GSE1: variants seen among roughly 807,000 people sequenced by gnomAD.
GSE1 encodes Gse1 coiled-coil protein, also known as genetic suppressor element 1.
GSE1 carries 32 observed loss-of-function variants against 112.6 expected under a neutral mutation model. The ratio of observed to expected loss-of-function variants is 0.28; its 90% CI spans 0.21 to 0.38. The LOEUF is 0.38. GSE1 is among the 10% of genes least tolerant of loss of function. The pLI is 1.00. For synonymous variants in GSE1, 1,115 were observed against 735.6 expected, an observed-to-expected ratio of 1.52 and a Z score of -8.35; for missense variants, 2,348 against 1,699.2, an observed-to-expected ratio of 1.38 and a Z score of -6.71.
At chr16:85,250,513 A>G (rs1038459898) in intron 1 of GSE1, among the ~76,000 whole-genome samples, 1 of 152,208 alleles carries the variant, frequency 6.6e-6, no homozygotes, top group African/African-American at 2.4e-5. Flanking sequence ...GCCCCTTGCC[A>G]TGGAGACCCC....
intron 1 of GSE1, among the ~76,000 whole-genome samples, chr16:85,625,919 C>A (rs1317657512): frequency 6.6e-6 from 1 of 152,158 alleles, no homozygotes; most frequent in South Asian, 2.1e-4. Flanking sequence ...GTTGCTCTTT[C>A]CTCCTGGGGT....
Position 85,237,343 on chromosome 16 carries a change from TAA to T in GSE1, c.2283+65538_2283+65539del, listed in dbSNP as rs1351461576. On this transcript the variant is annotated intron_variant, in intron 1 of 2. Coordinates refer to the GSE1 transcript ENST00000637419. ...GTCTCAGAATAAATGAATGAATAAA[TAA>T]ATAAAACAATAGAAATGGCATTAGA... 8.6e-5 allele frequency among the ~76,000 whole-genome samples: 13 copies of T among 151,062 alleles called. 1 individual carries two copies. In the East Asian group the frequency reaches 2.6e-3, roughly 30 times the overall value.
chr16:85,303,668 G>T (rs1036008977), intron 1 of GSE1, among the ~76,000 whole-genome samples: 6 of 152,260 alleles, frequency 3.9e-5, no homozygotes, highest in Admixed American at 2.6e-4. Context: ...GACCAGGTTA[G>T]GAAACACGGC....
intron 2 of GSE1, among the ~76,000 whole-genome samples, chr16:85,523,961 A>G (rs1375769112): frequency 1.3e-5 from 2 of 152,054 alleles, no homozygotes; most frequent in Admixed American, 6.5e-5. Flanking sequence ...CCACTGAGGA[A>G]CGCCTTGGGG....
At chr16:85,572,129 C>T (rs2046012713) in intron 1 of GSE1, among the ~76,000 whole-genome samples, 1 of 148,934 alleles carries the variant, frequency 6.7e-6, no homozygotes, top group Non-Finnish European at 1.5e-5. Flanking sequence ...CACACACACA[C>T]ACCACATACC....
At chr16:85,321,243 AG>A (rs2046101367) in intron 1 of GSE1, among the ~76,000 whole-genome samples, 1 of 152,150 alleles carries the variant, frequency 6.6e-6, no homozygotes, top group Non-Finnish European at 1.5e-5. Flanking sequence ...TCAAGTGTGC[AG>A]GCTTGTGGAA....
At chr16:85,337,440 G>A (rs2046520774) in intron 1 of GSE1, among the ~76,000 whole-genome samples, 1 of 151,834 alleles carries the variant, frequency 6.6e-6, no homozygotes. Context: ...TGAGTAGCTG[G>A]GACTACAGGC....
intron 2 of GSE1, among the ~76,000 whole-genome samples, chr16:85,531,304 G>A (rs764579960): frequency 5.9e-5 from 9 of 152,190 alleles, no homozygotes; most frequent in Non-Finnish European, 1.3e-4. Context: ...CACAGTCCTG[G>A]GGCAGAGAGG....
intron 1 of GSE1, among the ~76,000 whole-genome samples, chr16:85,582,755 C>T (rs1598273331): frequency 1.3e-5 from 2 of 152,168 alleles, no homozygotes; most frequent in Admixed American, 1.3e-4. Context: ...CCCCTCGCCT[C>T]TTAATGCCTT....
intron 1 of GSE1, among the ~76,000 whole-genome samples, chr16:85,619,802 C>T (rs563116217): frequency 2.0e-5 from 3 of 152,186 alleles, no homozygotes; most frequent in Non-Finnish European, 2.9e-5. Context: ...CAGGGATTAT[C>T]CCCATTTAGC....
intron 2 of GSE1, among the ~76,000 whole-genome samples, chr16:85,417,343 A>G (rs1038461027): frequency 9.9e-5 from 15 of 151,930 alleles, no homozygotes; most frequent in African/African-American, 2.7e-4. Flanking sequence ...GGGCAACATC[A>G]CCCCCGGCTG....
chr16:85,613,443 C>A, intron 1 of GSE1, 45 bp downstream of exon 1: 1 of 1,504,168 alleles, frequency 6.6e-7, no homozygotes, highest in African/African-American at 1.4e-5. Flanking sequence ...TCCCCCCTCC[C>A]CCCACCGCAC....
chr16:85,641,802 C>G (rs899593812), intron 2 of GSE1, among the ~76,000 whole-genome samples: 3 of 152,242 alleles, frequency 2.0e-5, no homozygotes, highest in African/African-American at 7.2e-5. Flanking sequence ...AGCTCCTGTC[C>G]CACTTCCCTA....
At chr16:85,657,190 C>T in intron 7 of GSE1, 87 bp from the exon 8 acceptor site, 1 of 932,020 alleles carries the variant, frequency 1.1e-6, no homozygotes. Flanking sequence ...GCTCTGGTTT[C>T]TCTGGGCAGT....
At position 85,652,545 on chromosome 16, in the gene GSE1, A is replaced by AGGCGGCGGCGGCGGC. The variant is rs142500416; in HGVS notation, c.427-1726_427-1712dup. On this transcript the variant is annotated intron_variant, in intron 3 of 15. Coordinates refer to ENST00000253458, the MANE Select transcript of GSE1 (RefSeq NM_014615.5). ...GATGCTGCCTCTCATTGAAGATTCC[A>AGGCGGCGGCGGCGGC]GGCGGCGGCGGCGGCGGCGGCTCCT... Among the ~76,000 whole-genome samples the AGGCGGCGGCGGCGGC allele has an allele frequency of 6.0e-4, 90 of 150,954 alleles. 2 individuals are homozygous for AGGCGGCGGCGGCGGC. The South Asian group carries it at 8.6e-3, about 14-fold the overall frequency.
chr16:85,429,770 A>T (rs996637233), intron 2 of GSE1, among the ~76,000 whole-genome samples: 13 of 152,058 alleles, frequency 8.5e-5, no homozygotes, highest in Non-Finnish European at 1.3e-4. Flanking sequence ...TGTGGCTCTG[A>T]GCCCCCTTGC....
chr16:85,562,468 T>C (rs1016501540), intron 1 of GSE1, among the ~76,000 whole-genome samples: 7 of 152,150 alleles, frequency 4.6e-5, no homozygotes, highest in African/African-American at 7.2e-5. Context: ...TCTCTTCTTA[T>C]CTCCTTGACT....
chr16:85,435,395 C>T (rs1233447543), intron 2 of GSE1, among the ~76,000 whole-genome samples: 3 of 152,114 alleles, frequency 2.0e-5, no homozygotes, highest in Admixed American at 1.3e-4. Flanking sequence ...CTGGGTCCTC[C>T]CTCTGCCCAG....
At chr16:85,447,911 C>A (rs2049558640) in intron 2 of GSE1, among the ~76,000 whole-genome samples, 1 of 152,230 alleles carries the variant, frequency 6.6e-6, no homozygotes, top group Non-Finnish European at 1.5e-5. Flanking sequence ...CAGCTTCTCA[C>A]TGCCAGCTCC....
Sources: allele counts gnomAD v4.1 joint callset (sites outside exome capture counted in the v4.1 genomes callset), GRCh38; gene constraint gnomAD v4.1.1; transcripts MANE v1.5; gene names NCBI Gene and HGNC (gene_info 2026-07-23, HGNC 2026-07-21).